Variants in DZIP1L observed in about 807,000 individuals in gnomAD.
DZIP1L encodes the protein cilium assembly protein DZIP1L.
In DZIP1L, 90 loss-of-function variants were observed where a neutral mutation model predicts 88.7. The ratio of observed to expected loss-of-function variants is 1.02; its 90% CI spans 0.86 to 1.21. DZIP1L has a LOEUF of 1.21. Ranked by LOEUF, DZIP1L falls within the 50% of genes most tolerant of loss-of-function variation. The pLI, the probability that DZIP1L is intolerant of heterozygous loss-of-function variation, is 0.00. For missense variants in DZIP1L, 932 were observed against 955.8 expected (o/e 0.98, Z 0.33); for synonymous variants, 363 against 372.1 (o/e 0.98, Z 0.28).
intron 1 of DZIP1L, among the ~76,000 whole-genome samples, chr3:138,105,651 C>T (rs1223503531): frequency 2.0e-5 from 3 of 150,172 alleles, no homozygotes; most frequent in Non-Finnish European, 3.0e-5. Context: ...AGAAACTATC[C>T]TTTTTTTTTC....
intron 5 of DZIP1L, among the ~76,000 whole-genome samples, chr3:138,091,032 T>A (rs1202296450): frequency 6.6e-6 from 1 of 151,804 alleles, no homozygotes; most frequent in Non-Finnish European, 1.5e-5. Flanking sequence ...TATAGGCACC[T>A]GCCACCACAC....
At position 138,092,938 on chromosome 3, in the gene DZIP1L, A is replaced by G. The variant is rs534086569; in HGVS notation, c.709-394T>C. Among the ~76,000 whole-genome samples the G allele has an allele frequency of 3.3e-5, 5 of 152,324 alleles. No individual in the cohort carries two copies. In the South Asian group the frequency reaches 1.0e-3, roughly 32 times the overall value. ...AGTCTTGAATCCCTCAAAGTCATCC[A>G]CGATGGCTAGAATCAATTTCATCCA... On this transcript the variant is annotated intron_variant, in intron 4 of 15. Transcript: ENST00000327532.
chr3:138,069,280 C>T (rs1285127624), intron 12 of DZIP1L: 9 of 485,434 alleles, frequency 1.9e-5, no homozygotes, highest in East Asian at 1.6e-4. Context: ...GTTCTTTTCT[C>T]TAGCTTACTT....
chr3:138,062,739 G>A lies in DZIP1L; in HGVS notation c.*77C>T. 2.0e-6 allele frequency: 3 copies of A among 1,506,538 alleles called. No homozygotes were observed. Among genetic ancestry groups the A allele is most frequent in the Non-Finnish European group, 1.8e-6 (2 of 1,093,406 alleles). The allele number at this position is 1,506,538 out of a possible 1,614,324, so 93.3% of individuals were successfully genotyped here. A position where few individuals can be genotyped will look rare whatever the true frequency, so the allele number is the denominator to read the frequency against. Reference sequence around the variant, plus strand: ...GTTGTTTGTGAAGACAAGAGGCCCAGCAGCCTCTTCTGTTGAAGTGGACCT... The same window carrying A: ...GTTGTTTGTGAAGACAAGAGGCCCAACAGCCTCTTCTGTTGAAGTGGACCT... On this transcript the variant is annotated 3_prime_UTR_variant, in exon 16 of 16. Coordinates refer to ENST00000327532, the MANE Select transcript of DZIP1L (RefSeq NM_173543.3).
chr3:138,101,985 T>G (rs372001442), intron 2 of DZIP1L: 2 of 1,542,136 alleles, frequency 1.3e-6, no homozygotes, highest in South Asian at 2.2e-5. Context: ...GATGTTCTGG[T>G]TCATCTCAGA....
intron 9 of DZIP1L, 66 bp downstream of exon 9, chr3:138,081,668 A>G (rs1440295268): frequency 2.0e-6 from 3 of 1,521,780 alleles, no homozygotes; most frequent in Non-Finnish European, 2.7e-6. Context: ...GGGAGAGGGA[A>G]AAGGAGGGAG....
intron 13 of DZIP1L, 58 bp from the exon 14 acceptor site, chr3:138,067,758 G>T: frequency 1.3e-6 from 2 of 1,493,568 alleles, no homozygotes; most frequent in Non-Finnish European, 8.9e-7. Flanking sequence ...AACTTCAAAA[G>T]CCAAACTTCA....
intron 11 of DZIP1L, among the ~76,000 whole-genome samples, chr3:138,072,603 TA>T (rs1168311574): frequency 2.0e-5 from 3 of 152,236 alleles, no homozygotes; most frequent in Admixed American, 6.5e-5. Context: ...TTGGTGCTTC[TA>T]ATAATAACAT....
intron 14 of DZIP1L, among the ~76,000 whole-genome samples, chr3:138,066,333 C>G (rs1369671205): frequency 2.0e-5 from 3 of 152,188 alleles, no homozygotes; most frequent in African/African-American, 7.2e-5. Flanking sequence ...TCTATGACCA[C>G]CAACTCTTGA....
rs776036159 is a variant in DZIP1L, at chr3:138,062,886, C to T, written c.2234G>A (p.Arg745His). 8 of 1,614,028 alleles carry T rather than the reference C, an allele frequency of 5.0e-6. No individual in the cohort carries two copies. The South Asian group carries it at 5.5e-5, about 11-fold the overall frequency. Reference protein sequence around the residue: ...DQREKPKPLSRSKLPEKFGTG... With the variant: ...DQREKPKPLSHSKLPEKFGTG... Reference sequence around the variant, plus strand: ...GCCAAACTTCTCTGGGAGCTTTGAGCGAGACAAGGGCTTGGGTTTCTCTCT... The same window carrying T: ...GCCAAACTTCTCTGGGAGCTTTGAGTGAGACAAGGGCTTGGGTTTCTCTCT... Residue 745 changes from arginine to histidine, a missense_variant, in exon 16 of 16, where the codon CGC becomes CAC. Transcript: ENST00000327532.
chr3:138,096,050 C>A (rs557640585), intron 3 of DZIP1L, among the ~76,000 whole-genome samples: 1 of 152,116 alleles, frequency 6.6e-6, no homozygotes, highest in African/African-American at 2.4e-5. Flanking sequence ...AATTCTAAGC[C>A]TTTTCCTTGA....
At chr3:138,069,298 A>C (rs995262289) in intron 12 of DZIP1L, 15 of 459,974 alleles carry the variant, frequency 3.3e-5, no homozygotes, top group African/African-American at 2.8e-4. Context: ...CTTTATTGTA[A>C]TAATACAGCT....
At chr3:138,065,978 C>A (rs1942878875) in intron 14 of DZIP1L, among the ~76,000 whole-genome samples, 1 of 152,218 alleles carries the variant, frequency 6.6e-6, no homozygotes, top group Admixed American at 6.5e-5. Flanking sequence ...ATTCCACTTA[C>A]CATGACAGTT....
In DZIP1L at chr3:138,064,677, A is replaced by C; in HGVS notation, c.2093T>G (p.Met698Arg). ...KPAGGVSLFFMPNAGPQRAAT... is the reference protein window; with the variant it reads ...KPAGGVSLFFRPNAGPQRAAT... ...AGCCCTCTGTGGCCCAGCATTGGGC[A>C]TAAAAAACAGACTGACCCCTCCAGC... Residue 698 changes from methionine to arginine, a missense_variant, in exon 15 of 16, where the codon ATG becomes AGG. By Grantham distance (91) the Met-to-Arg change is moderately conservative (BLOSUM62 -1). Coordinates refer to ENST00000327532, the MANE Select transcript of DZIP1L (RefSeq NM_173543.3). 1 of 1,614,178 alleles carries C rather than the reference A, an allele frequency of 6.2e-7. No individual in the cohort carries two copies. The highest frequency in any genetic ancestry group is 8.5e-7 in the Non-Finnish European group (1 of 1,180,024).
chr3:138,068,428 G>A, intron 12 of DZIP1L, 61 bp from the exon 13 acceptor site: 1 of 1,346,290 alleles, frequency 7.4e-7, no homozygotes, highest in Non-Finnish European at 9.9e-7. Flanking sequence ...AAGCCTAAGA[G>A]GAGGGAGAAA....
At chr3:138,089,660 G>C (rs1944111165) in intron 5 of DZIP1L, among the ~76,000 whole-genome samples, 1 of 151,974 alleles carries the variant, frequency 6.6e-6, no homozygotes, top group African/African-American at 2.4e-5. Context: ...ATGGAATCTT[G>C]CTGGTTTTTA....
intron 12 of DZIP1L, 145 bp from the exon 13 acceptor site, chr3:138,068,512 G>A: frequency 5.2e-6 from 3 of 575,490 alleles, no homozygotes; most frequent in Non-Finnish European, 8.2e-6. Flanking sequence ...TTTCATGACT[G>A]TTGCCAAATC....
intron 5 of DZIP1L, among the ~76,000 whole-genome samples, chr3:138,091,116 T>C (rs1197347376): frequency 6.6e-6 from 1 of 151,686 alleles, no homozygotes; most frequent in Non-Finnish European, 1.5e-5. Context: ...CACCTTGGCC[T>C]CCCAAAGTGC....
chr3:138,104,746 C>T (rs947834218), intron 1 of DZIP1L, among the ~76,000 whole-genome samples: 3 of 152,116 alleles, frequency 2.0e-5, no homozygotes, highest in African/African-American at 7.2e-5. Flanking sequence ...GTGCTCAATC[C>T]ATCATGGGCT....
Sources: allele counts gnomAD v4.1 joint callset (sites outside exome capture counted in the v4.1 genomes callset), GRCh38; gene constraint gnomAD v4.1.1; transcripts MANE v1.5; gene names NCBI Gene and HGNC (gene_info 2026-07-23, HGNC 2026-07-21).